The following GRIP1 variants were observed in gnomAD, a reference collection of about 807,000 sequenced individuals.
GRIP1 encodes glutamate receptor-interacting protein 1.
In GRIP1, 45 loss-of-function variants were observed where a neutral mutation model predicts 129.9. The ratio of observed to expected loss-of-function variants is 0.35; its 90% CI spans 0.27 to 0.44. GRIP1 has a LOEUF of 0.44. Among genes scored for constraint, GRIP1 ranks in the 20% least tolerant of loss-of-function variants. The pLI is 1.00. For missense variants in GRIP1, 1,196 were observed against 1,396.8 expected (o/e 0.86, Z 2.29); for synonymous variants, 530 against 520.8 (o/e 1.02, Z -0.24).
chr12:66,785,825 T>C (rs2038324179), intron 1 of GRIP1, among the ~76,000 whole-genome samples: 1 of 152,066 alleles, frequency 6.6e-6, no homozygotes, highest in Admixed American at 6.5e-5. Flanking sequence ...CTCACACCTA[T>C]AATCTCAGCA....
intron 1 of GRIP1, among the ~76,000 whole-genome samples, chr12:66,657,131 G>A (rs769695193): frequency 6.6e-6 from 1 of 152,152 alleles, no homozygotes; most frequent in Non-Finnish European, 1.5e-5. Context: ...TAATCAAAAG[G>A]TTAGATTTGC....
chr12:66,472,485 T>C (rs114390169), intron 7 of GRIP1, among the ~76,000 whole-genome samples: 2,029 of 152,242 alleles, frequency 0.013, 44 homozygotes, highest in African/African-American at 0.045. Context: ...ATCTTTAATA[T>C]AGTATGGTCA....
chr12:66,402,389 T>C (rs1247555333), intron 16 of GRIP1, among the ~76,000 whole-genome samples: 2 of 152,228 alleles, frequency 1.3e-5, no homozygotes, highest in Non-Finnish European at 2.9e-5. Context: ...AATAAACGAA[T>C]GCTGATGGCA....
At chr12:66,380,409 G>A (rs1270715043) in intron 19 of GRIP1, among the ~76,000 whole-genome samples, 2 of 152,088 alleles carry the variant, frequency 1.3e-5, no homozygotes, top group Non-Finnish European at 2.9e-5. Flanking sequence ...AACTCAGAAG[G>A]GCAACGGATG....
At chr12:66,455,683 A>T in intron 10 of GRIP1, 119 bp from the exon 11 acceptor site, 1 of 903,906 alleles carries the variant, frequency 1.1e-6, no homozygotes, top group Non-Finnish European at 1.8e-6. Context: ...GCTAGGAAGG[A>T]CCCCAGCCAG....
intron 1 of GRIP1, among the ~76,000 whole-genome samples, chr12:67,010,968 G>C (rs1044035549): frequency 6.6e-6 from 1 of 152,066 alleles, no homozygotes; most frequent in Admixed American, 6.6e-5. Flanking sequence ...CTTCCTCTCT[G>C]TACTCGTCTC....
rs549477559 is a variant in GRIP1 at position 66,792,183 on chromosome 12, G to A, written c.-420+11870C>T. ...TTTTAGAAATGATACACTTTACTAC[G>A]ACTTTTCTCTACAAAGCTTAATATT... On this transcript the variant is annotated intron_variant, in intron 1 of 4. Transcript: ENST00000538373. 3.9e-5 allele frequency among the ~76,000 whole-genome samples: 6 copies of A among 152,228 alleles called. No homozygotes were observed. The South Asian group carries it at 6.2e-4, about 16-fold the overall frequency.
At chr12:66,935,104 C>T (rs982363003) in intron 1 of GRIP1, among the ~76,000 whole-genome samples, 1 of 152,174 alleles carries the variant, frequency 6.6e-6, no homozygotes, top group South Asian at 2.1e-4. Context: ...AAGAGATGAA[C>T]TTGTGCTTTG....
chr12:66,392,921 A>G, intron 17 of GRIP1, 105 bp from the exon 18 acceptor site: 1 of 1,113,298 alleles, frequency 9.0e-7, no homozygotes, highest in Admixed American at 1.7e-5. Flanking sequence ...AAGACTTGGT[A>G]AGGATCTCCA....
intron 7 of GRIP1, among the ~76,000 whole-genome samples, chr12:66,497,278 G>A (rs931305572): frequency 2.6e-5 from 4 of 152,224 alleles, no homozygotes; most frequent in Admixed American, 6.5e-5. Flanking sequence ...CTCCCTGGGG[G>A]AGTAAAACAG....
At chr12:66,581,705 G>A (rs1323512172) in intron 2 of GRIP1, among the ~76,000 whole-genome samples, 2 of 152,024 alleles carry the variant, frequency 1.3e-5, no homozygotes, top group African/African-American at 4.8e-5. Flanking sequence ...ACTAAACCAG[G>A]AAGAAGTTGA....
chr12:66,685,189 A>G (rs188408766), intron 1 of GRIP1, among the ~76,000 whole-genome samples: 3 of 152,170 alleles, frequency 2.0e-5, no homozygotes, highest in Admixed American at 2.0e-4. Context: ...GGCCCCACAC[A>G]TGGGTTCTTC....
intron 7 of GRIP1, among the ~76,000 whole-genome samples, chr12:66,467,518 A>G (rs1260737989): frequency 6.6e-6 from 1 of 152,230 alleles, no homozygotes. Flanking sequence ...TAGTTTGCAC[A>G]TCATGAGCCT....
intron 1 of GRIP1, among the ~76,000 whole-genome samples, chr12:66,650,712 A>C (rs1592701501): frequency 1.3e-5 from 2 of 152,194 alleles, no homozygotes; most frequent in Non-Finnish European, 2.9e-5. Context: ...AAATACATAG[A>C]GCATAGGACT....
intron 1 of GRIP1, among the ~76,000 whole-genome samples, chr12:67,068,263 A>G (rs1220428538): frequency 1.3e-5 from 2 of 152,208 alleles, no homozygotes; most frequent in Non-Finnish European, 2.9e-5. Flanking sequence ...ACTTAAAAGC[A>G]AAGTGTCCAG....
intron 1 of GRIP1, among the ~76,000 whole-genome samples, chr12:66,697,531 A>C (rs1386588995): frequency 1.3e-5 from 2 of 152,160 alleles, no homozygotes; most frequent in Non-Finnish European, 2.9e-5. Context: ...ACACAAATGC[A>C]CCTGGCCCTC....
chr12:66,804,443 A>T (rs1414327976), upstream of GRIP1, among the ~76,000 whole-genome samples: 1 of 152,194 alleles, frequency 6.6e-6, no homozygotes, highest in African/African-American at 2.4e-5. Context: ...TTTTTAAAAA[A>T]AAAAGAGGAA....
intron 1 of GRIP1, among the ~76,000 whole-genome samples, chr12:66,935,907 T>G (rs935700512): frequency 6.6e-6 from 1 of 152,174 alleles, no homozygotes; most frequent in Non-Finnish European, 1.5e-5. Context: ...GGTTTTCAAT[T>G]TTGTCTGACT....
intron 2 of GRIP1, among the ~76,000 whole-genome samples, chr12:66,576,597 A>G (rs2063146684): frequency 6.6e-6 from 1 of 152,232 alleles, no homozygotes; most frequent in South Asian, 2.1e-4. Flanking sequence ...GACTTGGACA[A>G]GTTACCTAAG....
Sources: allele counts gnomAD v4.1 joint callset (sites outside exome capture counted in the v4.1 genomes callset), GRCh38; gene constraint gnomAD v4.1.1; transcripts MANE v1.5; gene names NCBI Gene and HGNC (gene_info 2026-07-23, HGNC 2026-07-21).